The following STAU2 variants were observed in gnomAD, a reference collection of about 807,000 sequenced individuals.
STAU2 encodes the protein staufen double-stranded RNA binding protein 2, also known as double-stranded RNA-binding protein Staufen homolog 2.
In STAU2, 20 loss-of-function variants were observed where a neutral mutation model predicts 65.9. That is an observed-to-expected ratio of 0.30 (90% CI 0.21 to 0.44). The LOEUF is 0.44. Among genes scored for constraint, STAU2 ranks in the 20% least tolerant of loss-of-function variants. STAU2 has a pLI of 1.00. For missense variants in STAU2, 558 were observed against 683.9 expected (o/e 0.82, Z 2.05); for synonymous variants, 232 against 233.9 (o/e 0.99, Z 0.07).
At chr8:73,719,682 T>C (rs891289139) in intron 3 of STAU2, among the ~76,000 whole-genome samples, 2 of 152,194 alleles carry the variant, frequency 1.3e-5, no homozygotes, top group African/African-American at 2.4e-5. Flanking sequence ...GGTTATGACA[T>C]ATTATCCTTT....
intron 12 of STAU2, among the ~76,000 whole-genome samples, chr8:73,552,940 A>G (rs547996940): frequency 1.3e-5 from 2 of 152,062 alleles, no homozygotes; most frequent in East Asian, 1.9e-4. Context: ...CCCAACCTAG[A>G]CTCCTGGCAA....
intron 13 of STAU2, among the ~76,000 whole-genome samples, chr8:73,507,973 G>A (rs1822165459): frequency 6.6e-6 from 1 of 152,174 alleles, no homozygotes; most frequent in African/African-American, 2.4e-5. Context: ...ATTGAAGAGA[G>A]TTAGGGCCTT....
chr8:73,512,237 T>C (rs1009404396), intron 13 of STAU2, among the ~76,000 whole-genome samples: 3 of 152,192 alleles, frequency 2.0e-5, no homozygotes, highest in African/African-American at 7.2e-5. Flanking sequence ...CTGGTCTCTT[T>C]GCATTTCCAT....
At chr8:73,726,707 T>A (rs1051270259) in intron 3 of STAU2, among the ~76,000 whole-genome samples, 9 of 152,226 alleles carry the variant, frequency 5.9e-5, no homozygotes, top group African/African-American at 2.2e-4. Context: ...ATTTTCTATG[T>A]ATTTCCACAT....
intron 6 of STAU2, among the ~76,000 whole-genome samples, chr8:73,625,709 A>G (rs1813588248): frequency 6.6e-6 from 1 of 152,154 alleles, no homozygotes; most frequent in Admixed American, 6.5e-5. Flanking sequence ...TGTTACGTAA[A>G]TTTTATTTCA....
chr8:73,648,143 G>A (rs1241502856), intron 6 of STAU2, among the ~76,000 whole-genome samples: 1 of 152,184 alleles, frequency 6.6e-6, no homozygotes, highest in Non-Finnish European at 1.5e-5. Flanking sequence ...TAAATCAATA[G>A]TAATTAGCAG....
intron 13 of STAU2, among the ~76,000 whole-genome samples, chr8:73,481,288 C>T (rs968241593): frequency 6.6e-6 from 1 of 151,830 alleles, no homozygotes; most frequent in Non-Finnish European, 1.5e-5. Flanking sequence ...GCACAGCCAG[C>T]GCAAAGCCAG....
At chr8:73,595,065 G>A in intron 11 of STAU2, 101 bp downstream of exon 11, 1 of 1,065,096 alleles carries the variant, frequency 9.4e-7, no homozygotes, top group Non-Finnish European at 1.3e-6. Flanking sequence ...CCTCAGAAAA[G>A]TTAAAATTGA....
intron 12 of STAU2, among the ~76,000 whole-genome samples, chr8:73,554,222 T>C (rs912851124): frequency 6.6e-6 from 1 of 152,210 alleles, no homozygotes; most frequent in African/African-American, 2.4e-5. Flanking sequence ...AGTTGGGTCA[T>C]TGGATACATG....
intron 4 of STAU2, among the ~76,000 whole-genome samples, chr8:73,690,860 A>T (rs1279821342): frequency 6.6e-6 from 1 of 152,184 alleles, no homozygotes; most frequent in East Asian, 1.9e-4. Flanking sequence ...TTCAGTTTAA[A>T]ATATATACCT....
chr8:73,448,920 C>A (rs919644201), intron 13 of STAU2, among the ~76,000 whole-genome samples: 11 of 152,262 alleles, frequency 7.2e-5, no homozygotes, highest in Non-Finnish European at 1.5e-4. Context: ...CCGCCACGTG[C>A]GCGCGGACAG....
At chr8:73,478,047 T>TATA (rs1446356546) in intron 13 of STAU2, among the ~76,000 whole-genome samples, 3 of 133,404 alleles carry the variant, frequency 2.2e-5, no homozygotes, top group South Asian at 2.3e-4. Context: ...TATATATATA[T>TATA]TTTTTTTTGT....
At chr8:73,591,264 A>G (rs1221238709) in intron 11 of STAU2, among the ~76,000 whole-genome samples, 2 of 152,008 alleles carry the variant, frequency 1.3e-5, no homozygotes, top group Non-Finnish European at 2.9e-5. Context: ...AGAAACTTAG[A>G]GAAGTAACCT....
Position 73,489,232 on chromosome 8 carries a change from G to A in STAU2, c.1530+62780C>T, listed in dbSNP as rs148745958. On this transcript the variant is annotated intron_variant, in intron 13 of 14. Coordinates refer to ENST00000524300, the MANE Select transcript of STAU2 (RefSeq NM_001164380.2). ...CAAGAGGCCTTCAATATTAGTTACT[G>A]AGAGAGCAAATGACAATGAAAAAAA... Among the ~76,000 whole-genome samples the A allele has an allele frequency of 3.2e-3, 492 of 151,954 alleles. 1 individual carries two copies. The highest frequency in any genetic ancestry group is 0.011 in the African/African-American group (437 of 41,504).
intron 13 of STAU2, among the ~76,000 whole-genome samples, chr8:73,457,136 G>C (rs796942118): frequency 4.6e-5 from 7 of 152,292 alleles, no homozygotes; most frequent in African/African-American, 1.4e-4. Context: ...GAAAGGGATA[G>C]AAACGATGAC....
chr8:73,560,844 T>C (rs1808173916), intron 12 of STAU2, among the ~76,000 whole-genome samples: 1 of 152,208 alleles, frequency 6.6e-6, no homozygotes, highest in African/African-American at 2.4e-5. Context: ...GGGAAATGCC[T>C]TTGGAAAGCT....
chr8:73,604,348 C>T (rs1382704925), intron 9 of STAU2, among the ~76,000 whole-genome samples: 2 of 152,112 alleles, frequency 1.3e-5, no homozygotes, highest in East Asian at 3.9e-4. Flanking sequence ...CGTGCCTCAG[C>T]CTCCCAAATA....
intron 6 of STAU2, among the ~76,000 whole-genome samples, chr8:73,663,128 A>G (rs2130338619): frequency 6.6e-6 from 1 of 152,284 alleles, no homozygotes; most frequent in South Asian, 2.1e-4. Context: ...TTTGCAGGCC[A>G]TATGATCTAT....
chr8:73,600,016 C>T (rs934245097), intron 10 of STAU2, among the ~76,000 whole-genome samples: 1 of 152,186 alleles, frequency 6.6e-6, no homozygotes, highest in African/African-American at 2.4e-5. Context: ...GATCCACCTG[C>T]CTCGGCCTCC....
Sources: gnomAD v4.1 joint callset for allele counts (sites outside exome capture counted in the v4.1 genomes callset) on GRCh38, gnomAD v4.1.1 for gene constraint, MANE v1.5 for transcripts, NCBI Gene and HGNC (gene_info 2026-07-23, HGNC 2026-07-21) for gene names.